Variants in EPM2AIP1 observed in about 807,000 individuals in gnomAD.
EPM2AIP1 encodes the protein EPM2A interacting protein 1.
EPM2AIP1 carries 23 observed loss-of-function variants against 44.8 expected under a neutral mutation model. The ratio of observed to expected loss-of-function variants is 0.51; its 90% CI spans 0.37 to 0.73. The LOEUF (loss-of-function observed/expected upper bound fraction) is 0.73, where lower values mean the gene tolerates loss of function less well. EPM2AIP1 is among the 30% of genes least tolerant of loss of function. EPM2AIP1 has a pLI of 0.00. For synonymous variants in EPM2AIP1, 311 were observed against 284.3 expected, an observed-to-expected ratio of 1.09 and a Z score of -0.94; for missense variants, 652 against 743.9, an observed-to-expected ratio of 0.88 and a Z score of 1.44.
Position 36,986,925 on chromosome 3 carries a change from A to C in EPM2AIP1, c.*4329T>G, listed in dbSNP as rs1013496540. On this transcript the variant is annotated 3_prime_UTR_variant, in exon 1 of 1. Coordinates refer to ENST00000322716, the MANE Select transcript of EPM2AIP1 (RefSeq NM_014805.4). ...TAAGATTATACTAGTTAATCCCATA[A>C]ATTGGTCAAAATGGCTTAAGGAAAC... 1.3e-5 allele frequency: 2 copies of C among 152,166 alleles called. No individual in the cohort carries two copies. The highest frequency in any genetic ancestry group is 2.9e-5 in the Non-Finnish European group (2 of 68,028). 9.4% of individuals were successfully genotyped at this position (152,166 alleles called of 1,614,324 possible). A position where few individuals can be genotyped will look rare whatever the true frequency, so the allele number is the denominator to read the frequency against.
chr3:36,986,442 C>A lies in EPM2AIP1; in HGVS notation c.*4812G>T, dbSNP rs1055095. The A allele has an allele frequency of 0.52, 78,533 of 151,896 alleles. 21,416 individuals are homozygous for A. The highest frequency in any genetic ancestry group is 0.62 in the African/African-American group (25,582 of 41,404). 9.4% of individuals were successfully genotyped at this position (151,896 alleles called of 1,614,324 possible). Reference sequence around the variant, plus strand: ...AAGATAAAAATGGGAAATCCTTTTACAAATAAATAAAAAGAGAAATCCTTT... The same window carrying A: ...AAGATAAAAATGGGAAATCCTTTTAAAAATAAATAAAAAGAGAAATCCTTT... On this transcript the variant is annotated 3_prime_UTR_variant, in exon 1 of 1. Transcript: ENST00000322716.
At position 36,992,841 on chromosome 3, in the gene EPM2AIP1, C is replaced by T. The variant is rs368425065; in HGVS notation, c.237G>A (p.Glu79=). ...CGGGCAAGTCGCCCTGACGCAGACGCTCCACCAGGGCCGCGCGCTCGCCGT... is the reference window on the plus strand; with the variant it reads ...CGGGCAAGTCGCCCTGACGCAGACGTTCCACCAGGGCCGCGCGCTCGCCGT... ...VADGERAALV[E]RLRQGDLPVA... Residue 79 remains glutamate (E), a synonymous_variant, in exon 1 of 1, where the codon GAG becomes GAA. Coordinates refer to ENST00000322716, the MANE Select transcript of EPM2AIP1 (RefSeq NM_014805.4). The surrounding 1 kb of genome is among the most constrained non-coding windows in gnomAD (Gnocchi z 5.3). 1.9e-6 allele frequency: 3 copies of T among 1,611,194 alleles called. No individual in the cohort carries two copies. The highest frequency in any genetic ancestry group is 3.3e-4 in the Middle Eastern group (2 of 6,082).
chr3:36,991,718 T>G lies in EPM2AIP1; in HGVS notation c.1360A>C (p.Ile454Leu), dbSNP rs1228597204. The G allele has an allele frequency of 1.2e-6, 2 of 1,613,564 alleles. No homozygotes were observed. The highest frequency in any genetic ancestry group is 3.3e-5 in the Admixed American group (2 of 59,938). The part of the protein sequence containing the change: ...LKQQNKEDEK[I>L]FDPDRYQMVI... ...ATTTGATACCTATCAGGATCAAATA[T>G]TTTTTCATCTTCCTTATTTTGCTGT... is the stretch of plus-strand genomic sequence containing the variant. Residue 454 changes from isoleucine (I) to leucine (L), a missense_variant, in exon 1 of 1, where the codon ATA (isoleucine) becomes CTA (leucine). Ile to Leu is a conservative substitution (Grantham distance 5). Transcript: ENST00000322716.
In EPM2AIP1 at chr3:36,993,131, G is replaced by C. The variant is rs1225845813; in HGVS notation, c.-54C>G. On this transcript the variant is annotated 5_prime_UTR_variant, in exon 1 of 1. Coordinates refer to ENST00000322716, the MANE Select transcript of EPM2AIP1 (RefSeq NM_014805.4). ...ACGTTAGAAAGGCCGCAAGGGGAGA[G>C]GAGGAGCCTGAGAAGCGCCAAGCAC... The C allele has an allele frequency of 1.9e-6, 3 of 1,542,070 alleles. No homozygotes were observed. Among genetic ancestry groups the C allele is most frequent in the Non-Finnish European group, 2.6e-6 (3 of 1,143,822 alleles).
Position 36,986,622 on chromosome 3 carries a change from A to C in EPM2AIP1, c.*4632T>G, listed in dbSNP as rs1024780168. On this transcript the variant is annotated 3_prime_UTR_variant, in exon 1 of 1. Transcript: ENST00000322716. Reference sequence around the variant, plus strand: ...ACAGCAAGACCCTGTCTCCACATAAAAATACAAAAATTAGCTGGGTGTACT... The same window carrying C: ...ACAGCAAGACCCTGTCTCCACATAACAATACAAAAATTAGCTGGGTGTACT... 1 of 151,806 alleles carries C rather than the reference A, an allele frequency of 6.6e-6. No individual in the cohort carries two copies. The highest frequency in any genetic ancestry group is 1.9e-4 in the East Asian group (1 of 5,174). 9.4% of individuals were successfully genotyped at this position (151,806 alleles called of 1,614,324 possible).
chr3:36,989,277 G>A lies in EPM2AIP1; in HGVS notation c.*1977C>T, dbSNP rs917715851. On this transcript the variant is annotated 3_prime_UTR_variant, in exon 1 of 1. Transcript: ENST00000322716. The stretch of plus-strand genomic sequence containing the variant: ...ATTCAAAGCTATTGGGAAATTACCG[G>A]TAGATTTTTCTGTTTTTTTTTTTCG... 4 of 150,996 alleles carry A rather than the reference G, an allele frequency of 2.6e-5. No homozygotes were observed. Among genetic ancestry groups the A allele is most frequent in the African/African-American group, 9.7e-5 (4 of 41,224 alleles). 9.4% of individuals were successfully genotyped at this position (150,996 alleles called of 1,614,324 possible).
Position 36,985,109 on chromosome 3 carries a change from T to C in EPM2AIP1, c.*6145A>G, listed in dbSNP as rs568301683. On this transcript the variant is annotated 3_prime_UTR_variant, in exon 1 of 1. Transcript: ENST00000322716. The stretch of plus-strand genomic sequence containing the variant: ...AAACAACCTAAATTTCTATCAACGG[T>C]AGAATGGGTAAGTTGTGATGTAGTC... The C allele has an allele frequency of 2.0e-5, 3 of 152,210 alleles. No homozygotes were observed. In the East Asian group the frequency reaches 5.8e-4, roughly 29 times the overall value. The allele number at this position is 152,210 out of a possible 1,614,324, so 9.4% of individuals were successfully genotyped here. A position where few individuals can be genotyped will look rare whatever the true frequency, so the allele number is the denominator to read the frequency against.
rs199570773 is a variant in EPM2AIP1, at chr3:36,987,440, A to ATATAT, written c.*3813_*3814insATATA. On this transcript the variant is annotated 3_prime_UTR_variant, in exon 1 of 1. Coordinates refer to ENST00000322716, the MANE Select transcript of EPM2AIP1 (RefSeq NM_014805.4). ...TTCCTTTGGAAATTTAAAAAAAAAA[A>ATATAT]AAAAATATATATATATATATGACAC... 1.4e-4 allele frequency: 18 copies of ATATAT among 128,594 alleles called. No homozygotes were observed. The highest frequency in any genetic ancestry group is 9.7e-4 in the South Asian group (4 of 4,126). The allele number at this position is 128,594 out of a possible 1,614,324, so 8.0% of individuals were successfully genotyped here. A position where few individuals can be genotyped will look rare whatever the true frequency, so the allele number is the denominator to read the frequency against.
Position 36,989,442 on chromosome 3 carries a change from A to C in EPM2AIP1, c.*1812T>G, listed in dbSNP as rs1026615373. The C allele has an allele frequency of 2.0e-5, 3 of 151,986 alleles. No individual in the cohort carries two copies. Among genetic ancestry groups the C allele is most frequent in the Non-Finnish European group, 4.4e-5 (3 of 67,994 alleles). 9.4% of individuals were successfully genotyped at this position (151,986 alleles called of 1,614,324 possible). A position where few individuals can be genotyped will look rare whatever the true frequency, so the allele number is the denominator to read the frequency against. ...TATGTATAACAGGACAGAGCCCTTA[A>C]ATCTGATTCAATTATTAATTCCTGA... On this transcript the variant is annotated 3_prime_UTR_variant, in exon 1 of 1. Coordinates refer to ENST00000322716, the MANE Select transcript of EPM2AIP1 (RefSeq NM_014805.4).
rs1249645576 is a variant in EPM2AIP1, at chr3:36,987,429, T to A, written c.*3825A>T. The A allele has an allele frequency of 6.6e-3, 941 of 141,696 alleles. 8 individuals carry two copies. The highest frequency in any genetic ancestry group is 0.021 in the African/African-American group (815 of 38,922). The allele number at this position is 141,696 out of a possible 1,614,324, so 8.8% of individuals were successfully genotyped here. A position where few individuals can be genotyped will look rare whatever the true frequency, so the allele number is the denominator to read the frequency against. ...CTATATGTAGGTTCCTTTGGAAATT[T>A]AAAAAAAAAAAAAAAATATATATAT... On this transcript the variant is annotated 3_prime_UTR_variant, in exon 1 of 1. Transcript: ENST00000322716.
In EPM2AIP1 at chr3:36,991,995, G is replaced by C. The variant is rs752692722; in HGVS notation, c.1083C>G (p.Phe361Leu). 7 of 1,613,638 alleles carry C rather than the reference G, an allele frequency of 4.3e-6. No homozygotes were observed. In the African/African-American group the frequency reaches 5.3e-5, roughly 12 times the overall value. Residue 361 changes from phenylalanine to leucine, a missense_variant, in exon 1 of 1, where the codon TTC becomes TTG. Phe to Leu is a conservative substitution (Grantham distance 22, BLOSUM62 0). Transcript: ENST00000322716. Reference protein sequence around the residue: ...IFSLRKEMEAFLVSVGATTVH... With the variant: ...IFSLRKEMEALLVSVGATTVH... ...CTGTTGTTGCCCCTACTGAAACCAA[G>C]AACGCTTCCATTTCTTTTCTTAGAG...
chr3:36,992,479 G>A lies in EPM2AIP1; in HGVS notation c.599C>T (p.Pro200Leu), dbSNP rs746155262. Residue 200 changes from proline (P) to leucine (L), a missense_variant, in exon 1 of 1, where the codon CCT becomes CTT. Pro to Leu is a moderately conservative substitution (Grantham distance 98). Transcript: ENST00000322716. The surrounding 1 kb of genome is among the most constrained non-coding windows in gnomAD (Gnocchi z 5.3). ...AAGATCTTCTTGCACCTCCAACTCAGGGCCTACACCGCGGATAAAGACCAG... is the reference window on the plus strand; with the variant it reads ...AAGATCTTCTTGCACCTCCAACTCAAGGCCTACACCGCGGATAAAGACCAG... The part of the protein sequence containing the change: ...YLLVFIRGVG[P>L]ELEVQEDLLT... 1 of 1,613,986 alleles carries A rather than the reference G, an allele frequency of 6.2e-7. No individual in the cohort carries two copies. The highest frequency in any genetic ancestry group is 1.1e-5 in the South Asian group (1 of 91,074).
Position 36,988,661 on chromosome 3 carries a change from T to C in EPM2AIP1, c.*2593A>G, listed in dbSNP as rs1468415184. 6.6e-6 allele frequency: 1 copy of C among 152,140 alleles called. No individual in the cohort carries two copies. Among genetic ancestry groups the C allele is most frequent in the East Asian group, 1.9e-4 (1 of 5,198 alleles). 9.4% of individuals were successfully genotyped at this position (152,140 alleles called of 1,614,324 possible). A position where few individuals can be genotyped will look rare whatever the true frequency, so the allele number is the denominator to read the frequency against. ...AAGACTAAGAAAGCACACCTGGAGA[T>C]GGTATCTCCTCAAAGCTAAAGTCAT... On this transcript the variant is annotated 3_prime_UTR_variant, in exon 1 of 1. Coordinates refer to ENST00000322716, the MANE Select transcript of EPM2AIP1 (RefSeq NM_014805.4).
In EPM2AIP1 at chr3:36,991,976, T is replaced by C. The variant is rs1193754390; in HGVS notation, c.1102A>G (p.Thr368Ala). 5 of 1,613,956 alleles carry C rather than the reference T, an allele frequency of 3.1e-6. No homozygotes were observed. The highest frequency in any genetic ancestry group is 4.2e-6 in the Non-Finnish European group (5 of 1,179,874). The change falls in exon 1 of 1, where the codon ACA becomes GCA. Residue 368 changes from threonine to alanine, a missense_variant. Transcript: ENST00000322716. ...TGTTTGTCTGAGAAGTGGACTGTTG[T>C]TGCCCCTACTGAAACCAAGAACGCT... ...MEAFLVSVGATTVHFSDKQWL... is the reference protein window; with the variant it reads ...MEAFLVSVGAATVHFSDKQWL...
In EPM2AIP1 at chr3:36,991,845, A is replaced by G. The variant is rs772565847; in HGVS notation, c.1233T>C (p.His411=). 2 of 1,613,808 alleles carry G rather than the reference A, an allele frequency of 1.2e-6. No individual in the cohort carries two copies. Among genetic ancestry groups the G allele is most frequent in the Non-Finnish European group, 1.7e-6 (2 of 1,179,854 alleles). The change falls in exon 1 of 1, where the codon CAT becomes CAC. Residue 411 remains histidine (H), a synonymous_variant. Coordinates refer to ENST00000322716, the MANE Select transcript of EPM2AIP1 (RefSeq NM_014805.4). ...TCAGCTTAACTTCGAAAGTACAAATATGGTCAAAGGCAGCAGCAGCAAAGA... is the reference window on the plus strand; with the variant it reads ...TCAGCTTAACTTCGAAAGTACAAATGTGGTCAAAGGCAGCAGCAGCAAAGA... The part of the protein sequence containing the change: ...SKVFAAAAFD[H]ICTFEVKLNL...
rs1370729690 is a variant in EPM2AIP1 at position 36,986,442 on chromosome 3, CAAAT to C, written c.*4808_*4811del. On this transcript the variant is annotated 3_prime_UTR_variant, in exon 1 of 1. Coordinates refer to ENST00000322716, the MANE Select transcript of EPM2AIP1 (RefSeq NM_014805.4). ...AAGATAAAAATGGGAAATCCTTTTA[CAAAT>C]AAATAAAAAGAGAAATCCTTTAGCC... The C allele has an allele frequency of 6.6e-6, 1 of 151,846 alleles. No homozygotes were observed. Among genetic ancestry groups the C allele is most frequent in the Non-Finnish European group, 1.5e-5 (1 of 67,962 alleles). 9.4% of individuals were successfully genotyped at this position (151,846 alleles called of 1,614,324 possible).
In EPM2AIP1 at chr3:36,993,042, G is replaced by A. The variant is rs2125691004; in HGVS notation, c.36C>T (p.Val12=). The A allele has an allele frequency of 3.1e-6, 5 of 1,610,612 alleles. No individual in the cohort carries two copies. Among genetic ancestry groups the A allele is most frequent in the South Asian group, 1.1e-5 (1 of 91,034 alleles). The change falls in exon 1 of 1, where the codon GTC becomes GTT. Residue 12 remains valine (V), a synonymous_variant. Coordinates refer to ENST00000322716, the MANE Select transcript of EPM2AIP1 (RefSeq NM_014805.4). ...CGGGCCGGAAAACTAGAGCCTCGTC[G>A]ACTTCCATCTTGCTTCTTTTGGGCG... ...WMTPKRSKME[V]DEALVFRPEW...
rs1386011132 is a variant in EPM2AIP1, at chr3:36,991,302, C to T, written c.1776G>A (p.Glu592=). 2.5e-6 allele frequency: 4 copies of T among 1,613,846 alleles called. No individual in the cohort carries two copies. The highest frequency in any genetic ancestry group is 3.4e-6 in the Non-Finnish European group (4 of 1,179,766). ...ALFRVATTEM[E]PGWDDLVRER... ...CTCTCACAAGGTCATCCCAACCGGGCTCCATTTCAGTTGTGGCAACCCGAA... is the reference window on the plus strand; with the variant it reads ...CTCTCACAAGGTCATCCCAACCGGGTTCCATTTCAGTTGTGGCAACCCGAA... The change falls in exon 1 of 1, where the codon GAG becomes GAA. Residue 592 remains glutamate, a synonymous_variant. Transcript: ENST00000322716.
At position 36,991,300 on chromosome 3, in the gene EPM2AIP1, G is replaced by A. The variant is rs201662435; in HGVS notation, c.1778C>T (p.Pro593Leu). Residue 593 changes from proline (P) to leucine (L), a missense_variant, in exon 1 of 1, where the codon CCC (proline) becomes CTC (leucine). By Grantham distance (98) the Pro-to-Leu change is moderately conservative. Transcript: ENST00000322716. Reference sequence around the variant, plus strand: ...TTCTCTCACAAGGTCATCCCAACCGGGCTCCATTTCAGTTGTGGCAACCCG... The same window carrying A: ...TTCTCTCACAAGGTCATCCCAACCGAGCTCCATTTCAGTTGTGGCAACCCG... ...LFRVATTEME[P>L]GWDDLVRERN... is the part of the protein sequence containing the mutation. The A allele has an allele frequency of 6.2e-7, 1 of 1,613,678 alleles. No individual in the cohort carries two copies. Among genetic ancestry groups the A allele is most frequent in the African/African-American group, 1.3e-5 (1 of 75,000 alleles).
Sources: allele counts gnomAD v4.1 joint callset, GRCh38; gene constraint gnomAD v4.1.1; non-coding constraint Gnocchi (gnomAD v3.1); transcripts MANE v1.5; gene names NCBI Gene and HGNC (gene_info 2026-07-23, HGNC 2026-07-21).